ZC3H18: variants seen among roughly 807,000 people sequenced by gnomAD.
The protein encoded by ZC3H18 is zinc finger CCCH domain-containing protein 18.
ZC3H18 carries 8 observed loss-of-function variants against 106.1 expected under a neutral mutation model. The ratio of observed to expected loss-of-function variants is 0.08; its 90% CI spans 0.04 to 0.14. The LOEUF is 0.14. Ranked by LOEUF, ZC3H18 falls within the 10% of genes least tolerant of loss-of-function variation. ZC3H18 has a pLI of 1.00. For missense variants in ZC3H18, 1,318 were observed against 1,278.4 expected, an observed-to-expected ratio of 1.03 and a Z score of -0.47; for synonymous variants, 635 against 522.1, an observed-to-expected ratio of 1.22 and a Z score of -2.95.
intron 9 of ZC3H18, 94 bp downstream of exon 9, chr16:88,622,482 G>T: frequency 3.6e-6 from 5 of 1,375,620 alleles, no homozygotes; most frequent in Non-Finnish European, 3.9e-6. Flanking sequence ...GAACACCCCA[G>T]CCCCACTGTT....
At chr16:88,618,574 G>A (rs1905765412) in intron 8 of ZC3H18, among the ~76,000 whole-genome samples, 1 of 152,210 alleles carries the variant, frequency 6.6e-6, no homozygotes, top group Non-Finnish European at 1.5e-5. Flanking sequence ...GCCTCGTGTG[G>A]CTGCTGGCAT....
At chr16:88,595,159 C>T (rs966771294) in intron 3 of ZC3H18, among the ~76,000 whole-genome samples, 1 of 152,128 alleles carries the variant, frequency 6.6e-6, no homozygotes, top group Non-Finnish European at 1.5e-5. Context: ...CTCAAAAAAA[C>T]AAAAACAAAA....
chr16:88,571,439 C>T (rs993245609), intron 1 of ZC3H18, among the ~76,000 whole-genome samples: 1 of 152,158 alleles, frequency 6.6e-6, no homozygotes, highest in African/African-American at 2.4e-5. Context: ...AGTCCTTTCC[C>T]GTTCAGTAGT....
intron 8 of ZC3H18, among the ~76,000 whole-genome samples, chr16:88,612,170 T>C (rs563385321): frequency 1.1e-4 from 16 of 152,324 alleles, no homozygotes; most frequent in Middle Eastern, 3.4e-3. Context: ...CTCTCAAATA[T>C]ACTTGACTGT....
chr16:88,572,629 T>C (rs974748925), intron 1 of ZC3H18, among the ~76,000 whole-genome samples: 3 of 152,056 alleles, frequency 2.0e-5, no homozygotes, highest in African/African-American at 7.2e-5. Flanking sequence ...CAGTTATAGA[T>C]AGTGTAAGAA....
intron 6 of ZC3H18, among the ~76,000 whole-genome samples, chr16:88,602,744 C>T (rs939551030): frequency 2.0e-5 from 3 of 152,192 alleles, no homozygotes; most frequent in Non-Finnish European, 4.4e-5. Flanking sequence ...AACTCCTGGA[C>T]TCAAGCAATC....
intron 1 of ZC3H18, among the ~76,000 whole-genome samples, chr16:88,573,735 C>T (rs2142513877): frequency 6.6e-6 from 1 of 152,064 alleles, no homozygotes; most frequent in East Asian, 1.9e-4. Context: ...TTAATAATTC[C>T]TCCCAGTAGT....
intron 6 of ZC3H18, among the ~76,000 whole-genome samples, chr16:88,602,563 C>G (rs1434599192): frequency 6.6e-6 from 1 of 152,246 alleles, no homozygotes; most frequent in Non-Finnish European, 1.5e-5. Flanking sequence ...TTGTTTTTAA[C>G]AAGCCCTCCA....
rs1465045381 is a variant in ZC3H18 at position 88,627,942 on chromosome 16, T to A, written c.2292T>A (p.Gly764=). 6.2e-7 allele frequency: 1 copy of A among 1,613,782 alleles called. No homozygotes were observed. The highest frequency in any genetic ancestry group is 1.3e-5 in the African/African-American group (1 of 74,844). The change falls in exon 15 of 18, where the codon GGT becomes GGA. Residue 764 remains glycine (G), a synonymous_variant. Coordinates refer to ENST00000301011, the MANE Select transcript of ZC3H18 (RefSeq NM_144604.4). The surrounding 1 kb of genome is among the most constrained non-coding windows in gnomAD (Gnocchi z 4.5). ...KEKGKSKKED[G]VKEEKRKRDS... ...TAGGAAAATCTAAGAAAGAAGACGG[T>A]GTTAAAGAGGAAAAGCGGAAAAGGG...
intron 3 of ZC3H18, among the ~76,000 whole-genome samples, chr16:88,590,664 ATTC>A (rs1376802604): frequency 1.4e-5 from 2 of 138,634 alleles, no homozygotes; most frequent in African/African-American, 5.4e-5. Flanking sequence ...GGTTCAAGCT[ATTC>A]TTCTGTCTCA....
In ZC3H18 at chr16:88,624,730, G is replaced by C. The variant is rs541019618; in HGVS notation, c.2027G>C (p.Arg676Thr). Reference protein sequence around the residue: ...REARRKERPARTPPRRRTLSG... With the variant: ...REARRKERPATTPPRRRTLSG... ...GCCAGGAGGAAGGAGCGGCCAGCCA[G>C]GACCCCCCCCAGGAGGTGAGCACTC... Residue 676 changes from arginine to threonine, a missense_variant, in exon 12 of 18, where the codon AGG becomes ACG. Physicochemically the swap from Arg to Thr is moderately conservative, Grantham distance 71. Around this residue, in one of 6 missense-constraint regions of ZC3H18, gnomAD observed 848 missense variants for 821.7 expected, o/e 1.03. Transcript: ENST00000301011. 5.6e-5 allele frequency: 90 copies of C among 1,612,748 alleles called. 1 individual carries two copies. The East Asian group carries it at 1.6e-3, about 29-fold the overall frequency.
intron 15 of ZC3H18, 109 bp from the exon 16 acceptor site, chr16:88,628,649 C>G: frequency 4.2e-6 from 5 of 1,192,000 alleles, no homozygotes; most frequent in Non-Finnish European, 6.1e-6. Flanking sequence ...TGTGGTGGGA[C>G]CTTTGGGAGC....
chr16:88,609,354 G>C (rs984527706), intron 7 of ZC3H18: 4 of 203,848 alleles, frequency 2.0e-5, no homozygotes, highest in Non-Finnish European at 4.1e-5. Flanking sequence ...CTGGAGTGCA[G>C]CGGTGCAATC....
Position 88,611,542 on chromosome 16 carries a change from C to T in ZC3H18, c.1475+6C>T, listed in dbSNP as rs774356714. 2.6e-6 allele frequency: 4 copies of T among 1,548,800 alleles called. No individual in the cohort carries two copies. Among genetic ancestry groups the T allele is most frequent in the South Asian group, 2.4e-5 (2 of 83,916 alleles). On this transcript the variant is annotated splice_donor_region_variant and intron_variant, in intron 8 of 17. Coordinates refer to ENST00000301011, the MANE Select transcript of ZC3H18 (RefSeq NM_144604.4). ...CGCTCCCCGCAGCCGCCAAGGTAGA[C>T]CCTGCTTCCTGAAGCCCAGGGGTGT...
intron 3 of ZC3H18, among the ~76,000 whole-genome samples, chr16:88,595,170 CAA>C (rs1361156422): frequency 6.6e-6 from 1 of 152,102 alleles, no homozygotes; most frequent in South Asian, 2.1e-4. Flanking sequence ...AAAAACAAAA[CAA>C]AAGAAAAACC....
intron 7 of ZC3H18, among the ~76,000 whole-genome samples, chr16:88,610,684 G>A (rs1240103081): frequency 2.6e-5 from 4 of 152,246 alleles, no homozygotes; most frequent in Non-Finnish European, 4.4e-5. Context: ...ATGAGTAAGA[G>A]CAGAGGAAAA....
At position 88,599,827 on chromosome 16, in the gene ZC3H18, C is replaced by G. The variant is rs1387125357; in HGVS notation, c.967C>G (p.Pro323Ala). 27 of 1,613,972 alleles carry G rather than the reference C, an allele frequency of 1.7e-5. 1 individual carries two copies. The highest frequency in any genetic ancestry group is 2.1e-5 in the Non-Finnish European group (25 of 1,179,980). Residue 323 changes from proline (P) to alanine (A), a missense_variant, in exon 6 of 18, where the codon CCT becomes GCT. Coordinates refer to ENST00000301011, the MANE Select transcript of ZC3H18 (RefSeq NM_144604.4). ...KKATIRKEQE[P>A]DFEEKRFTVT... ...AGCAACTATTCGAAAAGAACAGGAG[C>G]CTGATTTTGAAGAGAAAAGGTTTAC...
chr16:88,580,460 C>T (rs1370081117), intron 2 of ZC3H18, among the ~76,000 whole-genome samples: 1 of 152,164 alleles, frequency 6.6e-6, no homozygotes, highest in East Asian at 1.9e-4. Flanking sequence ...GCAGCATCAG[C>T]CCTCCACCCT....
At chr16:88,623,504 A>T in intron 10 of ZC3H18, 160 bp downstream of exon 10, 1 of 938,148 alleles carries the variant, frequency 1.1e-6, no homozygotes, top group East Asian at 2.7e-5. Context: ...TGTGTCCCCC[A>T]CCAAACACCA....
Sources: gnomAD v4.1 joint callset for allele counts (sites outside exome capture counted in the v4.1 genomes callset) on GRCh38, gnomAD v4.1.1 for gene constraint, gnomAD v4.1.1 regional missense constraint, Gnocchi (gnomAD v3.1) non-coding constraint, MANE v1.5 for transcripts, NCBI Gene and HGNC (gene_info 2026-07-23, HGNC 2026-07-21) for gene names.